Variants in SUPT3H observed in about 807,000 individuals in gnomAD.
SUPT3H encodes the protein transcription initiation protein SPT3 homolog.
In SUPT3H, 44 loss-of-function variants were observed where a neutral mutation model predicts 44.3. The observed-to-expected ratio is 0.99, with a 90% CI of 0.78 to 1.28. The LOEUF (loss-of-function observed/expected upper bound fraction) is 1.28. Ranked by LOEUF, SUPT3H falls within the 50% of genes most tolerant of loss-of-function variation. SUPT3H has a pLI of 0.00. For missense variants in SUPT3H, 380 were observed against 387.1 expected (o/e 0.98, Z 0.15); for synonymous variants, 124 against 125.6 (o/e 0.99, Z 0.09).
At chr6:44,941,064 G>A (rs889683922) in intron 9 of SUPT3H, among the ~76,000 whole-genome samples, 12 of 152,082 alleles carry the variant, frequency 7.9e-5, no homozygotes, top group African/African-American at 2.4e-4. Flanking sequence ...TTTATGTCAT[G>A]GTTAATATTG....
At chr6:45,268,596 T>C (rs1243148010) in intron 2 of SUPT3H, among the ~76,000 whole-genome samples, 2 of 152,210 alleles carry the variant, frequency 1.3e-5, no homozygotes, top group African/African-American at 4.8e-5. Context: ...ATAGTATACC[T>C]ACTTGTAAAA....
intron 3 of SUPT3H, among the ~76,000 whole-genome samples, chr6:45,059,963 A>G (rs13198471): frequency 0.13 from 20,030 of 152,158 alleles, 1,573 homozygotes; most frequent in East Asian, 0.26. Context: ...AACAAATGGA[A>G]TAACATTCCA....
intron 6 of SUPT3H, among the ~76,000 whole-genome samples, chr6:44,969,018 G>C (rs1777177726): frequency 6.6e-6 from 1 of 151,828 alleles, no homozygotes; most frequent in Non-Finnish European, 1.5e-5. Flanking sequence ...CCATCTTCAG[G>C]GTCATTTAAA....
intron 2 of SUPT3H, among the ~76,000 whole-genome samples, chr6:45,243,852 G>A (rs902642717): frequency 3.9e-5 from 6 of 152,104 alleles, no homozygotes; most frequent in African/African-American, 1.2e-4. Context: ...CAATATACCC[G>A]ATCTGTTTTA....
At chr6:45,023,005 T>G (rs1254600754) in intron 3 of SUPT3H, among the ~76,000 whole-genome samples, 1 of 152,072 alleles carries the variant, frequency 6.6e-6, no homozygotes, top group Non-Finnish European at 1.5e-5. Context: ...ATGCATTGGT[T>G]TACTTCTCCT....
At chr6:44,948,180 C>A (rs539506249) in intron 9 of SUPT3H, among the ~76,000 whole-genome samples, 2 of 152,186 alleles carry the variant, frequency 1.3e-5, no homozygotes, top group African/African-American at 4.8e-5. Context: ...GGTACCAGTA[C>A]CATTCTGTTT....
chr6:45,047,722 G>A (rs1789620121), intron 3 of SUPT3H, among the ~76,000 whole-genome samples: 1 of 151,984 alleles, frequency 6.6e-6, no homozygotes, highest in Admixed American at 6.5e-5. Context: ...AGTGTGCAAA[G>A]GTTCTCTTTT....
chr6:45,323,517 C>T lies in SUPT3H; in HGVS notation c.101+41684G>A, dbSNP rs76253755. 3.1e-4 allele frequency among the ~76,000 whole-genome samples: 47 copies of T among 152,116 alleles called. 2 individuals carry two copies. In the East Asian group the frequency reaches 8.3e-3, roughly 27 times the overall value. On this transcript the variant is annotated intron_variant, in intron 2 of 10. Coordinates refer to ENST00000371459, the MANE Select transcript of SUPT3H (RefSeq NM_003599.4). The stretch of plus-strand genomic sequence containing the variant: ...GAATAAAGAGCAAGAAAAACAATTA[C>T]TTGAAAAAGAAATATGCCTCAGTGG...
chr6:45,181,676 T>C (rs9381372), intron 2 of SUPT3H, among the ~76,000 whole-genome samples: 89,680 of 142,696 alleles, frequency 0.63, 28,164 homozygotes, highest in African/African-American at 0.76. Flanking sequence ...TGAGAACACA[T>C]GGACACAGGA....
rs574972362 is a variant in SUPT3H, at chr6:45,269,050, T to C, written c.101+96151A>G. On this transcript the variant is annotated intron_variant, in intron 2 of 10. Transcript: ENST00000371459. Reference sequence around the variant, plus strand: ...AAAGTCAATCACCTAGAAAGCCAAATAAGTAAAGCTTGGGTATATCATACT... The same window carrying C: ...AAAGTCAATCACCTAGAAAGCCAAACAAGTAAAGCTTGGGTATATCATACT... 6.6e-5 allele frequency among the ~76,000 whole-genome samples: 10 copies of C among 152,168 alleles called. No individual in the cohort carries two copies. The East Asian group carries it at 1.9e-3, about 29-fold the overall frequency.
rs1479023925 is a variant in SUPT3H at position 44,988,899 on chromosome 6, T to C, written c.504+14754A>G. ...TCTAGCTTAAATAAAGTGTGGCTTC[T>C]TTTCTTCCTGGTTTTGATTTGGTTT... On this transcript the variant is annotated intron_variant, in intron 6 of 10. Coordinates refer to ENST00000371459, the MANE Select transcript of SUPT3H (RefSeq NM_003599.4). Among the ~76,000 whole-genome samples the C allele has an allele frequency of 6.6e-5, 10 of 152,236 alleles. No individual in the cohort carries two copies. The South Asian group carries it at 1.0e-3, about 16-fold the overall frequency.
chr6:45,295,066 C>T (rs4341001), intron 2 of SUPT3H, among the ~76,000 whole-genome samples: 22,824 of 151,824 alleles, frequency 0.15, 1,955 homozygotes, highest in East Asian at 0.26. Context: ...AAAGAATAAA[C>T]CTGGAGGCAT....
chr6:44,915,074 C>T (rs1767609341), intron 10 of SUPT3H, among the ~76,000 whole-genome samples: 1 of 152,144 alleles, frequency 6.6e-6, no homozygotes, highest in South Asian at 2.1e-4. Context: ...CCTTACCTTA[C>T]CTCTAAAGAA....
intron 3 of SUPT3H, among the ~76,000 whole-genome samples, chr6:45,102,473 C>T (rs766469154): frequency 2.6e-5 from 4 of 151,932 alleles, no homozygotes; most frequent in Non-Finnish European, 5.9e-5. Flanking sequence ...AAAAAGTCTT[C>T]AGAAGAGTCA....
At chr6:45,197,071 G>A (rs920500198) in intron 2 of SUPT3H, among the ~76,000 whole-genome samples, 1 of 151,552 alleles carries the variant, frequency 6.6e-6, no homozygotes, top group Non-Finnish European at 1.5e-5. Context: ...GGAGGAAGAA[G>A]TTTCGTTTTA....
intron 6 of SUPT3H, among the ~76,000 whole-genome samples, chr6:45,002,863 A>T (rs1414701055): frequency 1.7e-5 from 1 of 59,818 alleles, no homozygotes; most frequent in Non-Finnish European, 3.1e-5. Context: ...ACTATAAAAA[A>T]GTTGGCACTT....
chr6:45,321,832 TAAC>T (rs1562950776), intron 2 of SUPT3H: 4 of 1,605,542 alleles, frequency 2.5e-6, no homozygotes, highest in Non-Finnish European at 3.4e-6. Context: ...GATATTGTGA[TAAC>T]AATAGGGAAA....
At chr6:45,090,891 G>C (rs912086935) in intron 3 of SUPT3H, among the ~76,000 whole-genome samples, 1 of 151,600 alleles carries the variant, frequency 6.6e-6, no homozygotes, top group African/African-American at 2.4e-5. Flanking sequence ...ATCTTACATC[G>C]AGTCTAGTGA....
chr6:44,832,915 G>T (rs1457804610), intron 10 of SUPT3H, among the ~76,000 whole-genome samples: 1 of 151,986 alleles, frequency 6.6e-6, no homozygotes, highest in Non-Finnish European at 1.5e-5. Flanking sequence ...TCCCATAGTG[G>T]TTTACTTCTG....
Sources: allele counts gnomAD v4.1 joint callset (sites outside exome capture counted in the v4.1 genomes callset), GRCh38; gene constraint gnomAD v4.1.1; transcripts MANE v1.5; gene names NCBI Gene and HGNC (gene_info 2026-07-23, HGNC 2026-07-21).